Variants in RELN observed in about 807,000 individuals in gnomAD.
RELN encodes the protein reelin.
Under a neutral mutation model 427.6 loss-of-function variants are expected in RELN, and 108 were observed. The observed-to-expected ratio is 0.25, with a 90% confidence interval of 0.22 to 0.30. The LOEUF (loss-of-function observed/expected upper bound fraction) is 0.30, where lower values mean the gene tolerates loss of function less well. Among genes scored for constraint, RELN ranks in the 10% least tolerant of loss-of-function variants. The pLI, the probability that RELN is intolerant of heterozygous loss-of-function variation, is 1.00. For missense variants in RELN, 3,715 were observed against 4,302.8 expected (o/e 0.86, Z 3.82); for synonymous variants, 1,524 against 1,513.4 (o/e 1.01, Z -0.16).
At chr7:103,491,856 TCACACACACA>T (rs71110838) in intron 58 of RELN, 87 bp downstream of exon 58, 174 of 288,550 alleles carry the variant, frequency 6.0e-4, no homozygotes, top group Admixed American at 9.3e-4. Context: ...TCTCTCTCTC[TCACACACACA>T]CACACACACA....
At chr7:103,485,852 A>G (rs950166394) in intron 61 of RELN, among the ~76,000 whole-genome samples, 2 of 152,174 alleles carry the variant, frequency 1.3e-5, no homozygotes, top group African/African-American at 2.4e-5. Context: ...TCACATACAC[A>G]TTTATATTTA....
chr7:103,589,487 A>T (rs576308235), intron 28 of RELN, 109 bp downstream of exon 28: 25 of 777,078 alleles, frequency 3.2e-5, no homozygotes, highest in Admixed American at 7.8e-5. Context: ...TTTTTCCCAG[A>T]ATTGTATTTT....
chr7:103,716,501 A>G (rs1789941876), intron 8 of RELN, among the ~76,000 whole-genome samples: 1 of 152,208 alleles, frequency 6.6e-6, no homozygotes, highest in South Asian at 2.1e-4. Flanking sequence ...TTGACAAGAA[A>G]CTGGAAACTG....
chr7:103,491,666 C>G (rs1562848025), intron 58 of RELN, among the ~76,000 whole-genome samples: 2 of 151,894 alleles, frequency 1.3e-5, no homozygotes, highest in African/African-American at 4.8e-5. Flanking sequence ...CCCGTCTCTA[C>G]TAAAAATACA....
chr7:103,743,136 C>T (rs1468173536), intron 6 of RELN, among the ~76,000 whole-genome samples: 1 of 151,540 alleles, frequency 6.6e-6, no homozygotes, highest in Non-Finnish European at 1.5e-5. Flanking sequence ...GAATTTTCAA[C>T]CCAGAATTTC....
intron 16 of RELN, among the ~76,000 whole-genome samples, chr7:103,646,399 G>T (rs573651697): frequency 2.0e-5 from 3 of 149,166 alleles, no homozygotes; most frequent in South Asian, 4.2e-4. Flanking sequence ...AGAGAAGAGA[G>T]AATATTCAAA....
At chr7:103,537,445 T>G (rs362740) in intron 45 of RELN, among the ~76,000 whole-genome samples, 1 of 152,122 alleles carries the variant, frequency 6.6e-6, no homozygotes, top group Admixed American at 6.5e-5. Context: ...CAAATCCCCA[T>G]GCCTGCTTCT....
intron 41 of RELN, among the ~76,000 whole-genome samples, chr7:103,546,939 T>C (rs912320273): frequency 3.3e-5 from 5 of 152,240 alleles, no homozygotes; most frequent in Non-Finnish European, 4.4e-5. Flanking sequence ...ATAATTTTCC[T>C]TTTGAATTGT....
intron 6 of RELN, among the ~76,000 whole-genome samples, chr7:103,741,503 G>C (rs1790654525): frequency 6.6e-6 from 1 of 151,788 alleles, no homozygotes; most frequent in Non-Finnish European, 1.5e-5. Flanking sequence ...ATCATGTCTG[G>C]GCTTAGAAGG....
chr7:103,561,623 T>C lies in RELN; in HGVS notation c.5438A>G (p.His1813Arg). The change falls in exon 36 of 65, where the codon CAT becomes CGT. Residue 1813 changes from histidine to arginine, a missense_variant. Physicochemically the swap from His to Arg is conservative, Grantham distance 29. Coordinates refer to ENST00000428762, the MANE Select transcript of RELN (RefSeq NM_005045.4). ...ILKDDFNGNL[H>R]PDLWPEVYGA... ...ATACACTTCAGGCCAAAGGTCAGGA[T>C]GTAAATTCCCATTGAAATCGTCTTT... 2 of 1,613,940 alleles carry C rather than the reference T, an allele frequency of 1.2e-6. No homozygotes were observed. The highest frequency in any genetic ancestry group is 8.5e-7 in the Non-Finnish European group (1 of 1,179,868).
intron 5 of RELN, 63 bp from the exon 6 acceptor site, chr7:103,749,567 A>G: frequency 1.8e-6 from 2 of 1,114,004 alleles, no homozygotes; most frequent in Non-Finnish European, 2.8e-6. Flanking sequence ...AGCTAAACAC[A>G]AGTGCCAACA....
At chr7:103,518,346 TTTTA>T (rs757561579) in intron 49 of RELN, among the ~76,000 whole-genome samples, 7,951 of 60,474 alleles carry the variant, frequency 0.13, 350 homozygotes, top group South Asian at 0.16. Flanking sequence ...TTTTTTTTTT[TTTTA>T]AAGATGCGGT....
intron 19 of RELN, among the ~76,000 whole-genome samples, chr7:103,633,540 A>G (rs1245223235): frequency 8.6e-5 from 13 of 151,846 alleles, no homozygotes; most frequent in Non-Finnish European, 8.8e-5. Flanking sequence ...CTTTTAAAAA[A>G]ACTCCACTTT....
intron 4 of RELN, among the ~76,000 whole-genome samples, chr7:103,773,971 G>C (rs955344384): frequency 6.6e-6 from 1 of 152,068 alleles, no homozygotes; most frequent in Non-Finnish European, 1.5e-5. Context: ...TAGGACAGAG[G>C]TCTTGCAGGT....
chr7:103,485,411 T>A (rs1828401837), intron 61 of RELN, among the ~76,000 whole-genome samples: 1 of 152,230 alleles, frequency 6.6e-6, no homozygotes, highest in Admixed American at 6.5e-5. Flanking sequence ...ATGTAAACTA[T>A]CTTCCCATTA....
At chr7:103,935,860 A>G (rs886979059) in intron 1 of RELN, among the ~76,000 whole-genome samples, 10 of 152,052 alleles carry the variant, frequency 6.6e-5, no homozygotes, top group Non-Finnish European at 1.5e-4. Flanking sequence ...ACCACTCCCA[A>G]TTTGATCCTT....
intron 1 of RELN, among the ~76,000 whole-genome samples, chr7:103,973,313 AG>A (rs1796802876): frequency 6.6e-6 from 1 of 152,248 alleles, no homozygotes; most frequent in South Asian, 2.1e-4. Context: ...AACATAAACA[AG>A]TGAGATAAGC....
chr7:103,753,073 T>A, intron 5 of RELN, 109 bp downstream of exon 5: 1 of 1,082,036 alleles, frequency 9.2e-7, no homozygotes, highest in Non-Finnish European at 1.4e-6. Flanking sequence ...TGATCAATGA[T>A]CAGAGAGGAC....
In RELN at chr7:103,635,502, C is replaced by G. The variant is rs759784651; in HGVS notation, c.2388G>C (p.Leu796Phe). 1 of 1,613,936 alleles carries G rather than the reference C, an allele frequency of 6.2e-7. No homozygotes were observed. The highest frequency in any genetic ancestry group is 1.1e-5 in the South Asian group (1 of 91,080). ...RAPDQPGEGV[L>F]LHYSYDNGIT... ...TCCCATTATCATAAGAATAATGCAACAAAACTCCTTCACCAGGCTGATCAG... is the reference window on the plus strand; with the variant it reads ...TCCCATTATCATAAGAATAATGCAAGAAAACTCCTTCACCAGGCTGATCAG... The change falls in exon 19 of 65, where the codon TTG (leucine) becomes TTC (phenylalanine). Residue 796 changes from leucine (L) to phenylalanine (F), a missense_variant. Around this residue, in one of 4 missense-constraint regions of RELN, gnomAD observed 2,208 missense variants for 2,361.7 expected, o/e 0.93. Coordinates refer to ENST00000428762, the MANE Select transcript of RELN (RefSeq NM_005045.4).
Sources: allele counts gnomAD v4.1 joint callset (sites outside exome capture counted in the v4.1 genomes callset), GRCh38; gene constraint gnomAD v4.1.1; regional missense constraint gnomAD v4.1.1; transcripts MANE v1.5; gene names NCBI Gene and HGNC (gene_info 2026-07-23, HGNC 2026-07-21).